The following ZBTB38 variants were observed in gnomAD, a reference collection of about 807,000 sequenced individuals.
ZBTB38 encodes zinc finger and BTB domain-containing protein 38.
ZBTB38 carries 20 observed loss-of-function variants against 76.8 expected under a neutral mutation model. The ratio of observed to expected loss-of-function variants is 0.26; its 90% CI spans 0.18 to 0.38. The LOEUF (loss-of-function observed/expected upper bound fraction) is 0.38. Ranked by LOEUF, ZBTB38 falls within the 10% of genes least tolerant of loss-of-function variation. The pLI is 1.00. For missense variants in ZBTB38, 1,082 were observed against 1,482.3 expected, an observed-to-expected ratio of 0.73 and a Z score of 4.43; for synonymous variants, 504 against 544.2, an observed-to-expected ratio of 0.93 and a Z score of 1.03.
At chr3:141,357,548 G>A (rs982371906) in intron 1 of ZBTB38, among the ~76,000 whole-genome samples, 11 of 151,724 alleles carry the variant, frequency 7.3e-5, no homozygotes, top group Admixed American at 1.3e-4. Flanking sequence ...TGTTTGTTTC[G>A]AGATGAAGTC....
chr3:141,432,020 C>T (rs1577396633), intron 5 of ZBTB38: 4 of 881,350 alleles, frequency 4.5e-6, no homozygotes, highest in East Asian at 1.2e-4. Flanking sequence ...GTGTTTCTAA[C>T]ACCCCGTCAC....
intron 5 of ZBTB38, among the ~76,000 whole-genome samples, chr3:141,441,876 A>G (rs535043824): frequency 6.6e-6 from 1 of 151,686 alleles, no homozygotes; most frequent in Non-Finnish European, 1.5e-5. Context: ...AGACCACACC[A>G]CTGCACTCCA....
At chr3:141,421,044 A>G (rs796840549) in intron 5 of ZBTB38, among the ~76,000 whole-genome samples, 51 of 151,948 alleles carry the variant, frequency 3.4e-4, no homozygotes, top group Middle Eastern at 3.4e-3. Context: ...TCTGTATATT[A>G]TAAATAAAAT....
intron 2 of ZBTB38, among the ~76,000 whole-genome samples, chr3:141,376,585 G>A (rs116669409): frequency 0.016 from 2,453 of 152,320 alleles, 25 homozygotes; most frequent in Non-Finnish European, 0.025. Flanking sequence ...TTCCAAGAAT[G>A]CCTGGGCCGG....
intron 5 of ZBTB38, among the ~76,000 whole-genome samples, chr3:141,406,177 C>T (rs1176508090): frequency 6.6e-6 from 1 of 152,110 alleles, no homozygotes; most frequent in Non-Finnish European, 1.5e-5. Context: ...ATGCATTAAC[C>T]AATAGGTGTC....
At chr3:141,440,639 G>T (rs1411015440) in intron 5 of ZBTB38, among the ~76,000 whole-genome samples, 1 of 152,140 alleles carries the variant, frequency 6.6e-6, no homozygotes, top group African/African-American at 2.4e-5. Context: ...AGACCAGAGG[G>T]TTTTTTTGTG....
intron 2 of ZBTB38, among the ~76,000 whole-genome samples, chr3:141,378,583 T>G (rs1485407014): frequency 1.3e-5 from 2 of 152,254 alleles, no homozygotes; most frequent in Non-Finnish European, 2.9e-5. Flanking sequence ...TAAAAGTTGT[T>G]AAAACTATGT....
intron 1 of ZBTB38, among the ~76,000 whole-genome samples, chr3:141,355,400 G>A (rs1408408939): frequency 6.6e-6 from 1 of 152,060 alleles, no homozygotes; most frequent in Non-Finnish European, 1.5e-5. Flanking sequence ...CCAGAGAAAT[G>A]GGGATATCCT....
At chr3:141,366,727 A>C (rs1373977036), upstream of ZBTB38, 2 of 152,178 alleles carry the variant, frequency 1.3e-5, no homozygotes, top group East Asian at 3.9e-4. Flanking sequence ...CACAGTGGGA[A>C]GGAAAGCTGT....
intron 1 of ZBTB38, among the ~76,000 whole-genome samples, chr3:141,331,257 C>G (rs1942841530): frequency 6.6e-6 from 1 of 152,174 alleles, no homozygotes; most frequent in Admixed American, 6.5e-5. Context: ...AATAACATGC[C>G]TAAGAGCTCT....
At chr3:141,361,495 A>G (rs1265102697) in intron 1 of ZBTB38, among the ~76,000 whole-genome samples, 2 of 152,226 alleles carry the variant, frequency 1.3e-5, no homozygotes, top group Non-Finnish European at 2.9e-5. Flanking sequence ...TTAAGGTCAC[A>G]CAGTATGTTA....
rs188498983 is a variant in ZBTB38, at chr3:141,370,291, A to T, written c.-235+345A>T. 4.6e-5 allele frequency among the ~76,000 whole-genome samples: 7 copies of T among 152,328 alleles called. No homozygotes were observed. In the East Asian group the frequency reaches 1.2e-3, roughly 25 times the overall value. On this transcript the variant is annotated intron_variant, in intron 2 of 5. Coordinates refer to ENST00000321464, the MANE Select transcript of ZBTB38 (RefSeq NM_001376113.1). ...TAGGGGTGTCTCCACTCCTCAGTGC[A>T]GTAAGAAAAGAGCATGAAAAAGTGC...
At chr3:141,414,770 G>A (rs1207235199) in intron 5 of ZBTB38, among the ~76,000 whole-genome samples, 1 of 152,180 alleles carries the variant, frequency 6.6e-6, no homozygotes, top group African/African-American at 2.4e-5. Flanking sequence ...ACGTCCTGGT[G>A]TACTTGGTCT....
At chr3:141,387,628 A>G (rs974809876) in intron 4 of ZBTB38, 2 of 152,168 alleles carry the variant, frequency 1.3e-5, no homozygotes, top group Non-Finnish European at 2.9e-5. Flanking sequence ...AAAAAATTCA[A>G]CACACCACCT....
At position 141,442,764 on chromosome 3, in the gene ZBTB38, A is replaced by T; in HGVS notation, c.376A>T (p.Asn126Tyr). The T allele has an allele frequency of 6.2e-7, 1 of 1,614,226 alleles. No homozygotes were observed. The highest frequency in any genetic ancestry group is 8.5e-7 in the Non-Finnish European group (1 of 1,180,032). The change falls in exon 6 of 6, where the codon AAC becomes TAC. Residue 126 changes from asparagine (N) to tyrosine (Y), a missense_variant. By Grantham distance (143) the Asn-to-Tyr change is moderately radical. Transcript: ENST00000321464. The surrounding 1 kb of genome is among the most constrained non-coding windows in gnomAD (Gnocchi z 6.4). Reference protein sequence around the residue: ...ISFLEDLTDRNFSNSPGPYVF... With the variant: ...ISFLEDLTDRYFSNSPGPYVF... ...GTTCTTGGAAGACCTTACTGATCGCAACTTCTCAAATTCCCCGGGTCCCTA... is the reference window on the plus strand; with the variant it reads ...GTTCTTGGAAGACCTTACTGATCGCTACTTCTCAAATTCCCCGGGTCCCTA...
intron 5 of ZBTB38, among the ~76,000 whole-genome samples, chr3:141,431,283 A>G (rs1399955582): frequency 2.0e-5 from 3 of 147,932 alleles, no homozygotes; most frequent in Admixed American, 1.4e-4. Flanking sequence ...AGATTGTGCC[A>G]TTGCACTCCA....
chr3:141,423,778 C>T (rs1002774240), intron 5 of ZBTB38, among the ~76,000 whole-genome samples: 1 of 152,116 alleles, frequency 6.6e-6, no homozygotes, highest in South Asian at 2.1e-4. Flanking sequence ...GAACAAAATA[C>T]AAACTAATGA....
chr3:141,414,898 T>C (rs571294551), intron 5 of ZBTB38, among the ~76,000 whole-genome samples: 289 of 152,214 alleles, frequency 1.9e-3, no homozygotes, highest in Non-Finnish European at 2.4e-3. Flanking sequence ...TTTATTGACC[T>C]TCCACACACC....
chr3:141,342,817 T>C (rs1293720954), intron 1 of ZBTB38, among the ~76,000 whole-genome samples: 2 of 149,862 alleles, frequency 1.3e-5, no homozygotes, highest in Non-Finnish European at 3.0e-5. Context: ...TGGAAGGTGT[T>C]GCTGAGAGAA....
Sources: allele counts gnomAD v4.1 joint callset (sites outside exome capture counted in the v4.1 genomes callset), GRCh38; gene constraint gnomAD v4.1.1; non-coding constraint Gnocchi (gnomAD v3.1); transcripts MANE v1.5; gene names NCBI Gene and HGNC (gene_info 2026-07-23, HGNC 2026-07-21).